GRAMD2B: variants seen among roughly 807,000 people sequenced by gnomAD.
GRAMD2B encodes the protein GRAM domain containing 2B.
A neutral mutation model predicts 59.2 loss-of-function variants in GRAMD2B; 41 were observed. That is an observed-to-expected ratio of 0.69 (90% CI 0.54 to 0.90). The LOEUF is 0.90. GRAMD2B is among the 40% of genes least tolerant of loss of function. GRAMD2B has a pLI of 0.00. For missense variants in GRAMD2B, 424 were observed against 500.5 expected (o/e 0.85, Z 1.46); for synonymous variants, 161 against 182.7 (o/e 0.88, Z 0.96).
chr5:126,468,883 C>T (rs927763458), intron 2 of GRAMD2B, among the ~76,000 whole-genome samples: 2 of 152,132 alleles, frequency 1.3e-5, no homozygotes, highest in Non-Finnish European at 2.9e-5. Flanking sequence ...AAATCATGTA[C>T]TGCCTTTTTA....
chr5:126,438,846 G>A (rs765077651), intron 1 of GRAMD2B, among the ~76,000 whole-genome samples: 22 of 152,310 alleles, frequency 1.4e-4, no homozygotes, highest in Non-Finnish European at 2.1e-4. Context: ...AAGTCCAGAA[G>A]AGGTTGATTG....
intron 2 of GRAMD2B, among the ~76,000 whole-genome samples, chr5:126,465,888 C>A (rs1469345381): frequency 2.0e-5 from 3 of 152,114 alleles, no homozygotes; most frequent in African/African-American, 7.2e-5. Flanking sequence ...GTCTCACTTT[C>A]CTAGGGGCCG....
upstream of GRAMD2B, among the ~76,000 whole-genome samples, chr5:126,420,735 A>G (rs939149529): frequency 1.3e-5 from 2 of 152,216 alleles, no homozygotes; most frequent in African/African-American, 4.8e-5. Flanking sequence ...ACTCCTAGGT[A>G]TATATCCAAA....
In GRAMD2B at chr5:126,484,431, C is replaced by G. The variant is rs1157987716; in HGVS notation, c.877C>G (p.Leu293Val). 2.5e-6 allele frequency: 4 copies of G among 1,614,008 alleles called. No individual in the cohort carries two copies. In the African/African-American group the frequency reaches 4.0e-5, roughly 16 times the overall value. The change falls in exon 10 of 14, where the codon CTG (leucine) becomes GTG (valine). Residue 293 changes from leucine to valine, a missense_variant. By Grantham distance (32) the Leu-to-Val change is conservative (BLOSUM62 1). Coordinates refer to ENST00000285689, the MANE Select transcript of GRAMD2B (RefSeq NM_023927.4). ...DFHATESQTV[L>V]NVSKGEAKPT... ...CCATGCGACAGAATCCCAAACAGTT[C>G]TGAATGTCTCCAAGGGAGAAGCAAA...
chr5:126,486,313 G>T (rs10037307), intron 11 of GRAMD2B, among the ~76,000 whole-genome samples: 39,960 of 152,076 alleles, frequency 0.26, 5,505 homozygotes, highest in Middle Eastern at 0.35. Context: ...ATTTTGTTTT[G>T]CCATCTGTCC....
At chr5:126,444,886 C>T (rs1763931232) in intron 1 of GRAMD2B, among the ~76,000 whole-genome samples, 1 of 152,148 alleles carries the variant, frequency 6.6e-6, no homozygotes, top group Non-Finnish European at 1.5e-5. Flanking sequence ...TGTGTTGTTC[C>T]CCTCCCTGTG....
intron 1 of GRAMD2B, among the ~76,000 whole-genome samples, chr5:126,461,789 A>C (rs780526138): frequency 6.6e-6 from 1 of 152,194 alleles, no homozygotes; most frequent in Non-Finnish European, 1.5e-5. Context: ...GACAAGAGTG[A>C]AACTCCATCT....
chr5:126,465,654 C>T (rs1212568549), intron 2 of GRAMD2B, 109 bp downstream of exon 2: 7 of 916,328 alleles, frequency 7.6e-6, no homozygotes, highest in Admixed American at 7.3e-5. Context: ...ATACTATAGA[C>T]AAATAATACT....
At chr5:126,474,895 G>T (rs1003031079) in intron 5 of GRAMD2B, among the ~76,000 whole-genome samples, 4 of 152,192 alleles carry the variant, frequency 2.6e-5, no homozygotes, top group African/African-American at 9.7e-5. Flanking sequence ...CAGGCCATGG[G>T]AATAAGAACC....
chr5:126,489,541 C>G (rs565251931), intron 13 of GRAMD2B, among the ~76,000 whole-genome samples: 8 of 152,304 alleles, frequency 5.3e-5, no homozygotes, highest in African/African-American at 1.9e-4. Context: ...CTTTACTGTT[C>G]CTCAGAATTC....
At chr5:126,371,128 T>G (rs1754728309), upstream of GRAMD2B, among the ~76,000 whole-genome samples, 1 of 152,242 alleles carries the variant, frequency 6.6e-6, no homozygotes, top group Admixed American at 6.5e-5. Context: ...AGGTGTTTAC[T>G]TTTCCATGCT....
intron 1 of GRAMD2B, among the ~76,000 whole-genome samples, chr5:126,405,955 T>C (rs900084092): frequency 6.6e-6 from 1 of 151,882 alleles, no homozygotes; most frequent in African/African-American, 2.4e-5. Context: ...TAGTGTTACA[T>C]ACTAAAATAA....
chr5:126,419,102 A>C (rs1451983760), upstream of GRAMD2B, among the ~76,000 whole-genome samples: 1 of 152,172 alleles, frequency 6.6e-6, no homozygotes, highest in East Asian at 1.9e-4. Context: ...AGGTAACTAT[A>C]ATATTTGACC....
intron 1 of GRAMD2B, among the ~76,000 whole-genome samples, chr5:126,394,205 G>A (rs1757137683): frequency 6.6e-6 from 1 of 151,776 alleles, no homozygotes. Flanking sequence ...AACCCGGGAG[G>A]CAGAGCTTGC....
In GRAMD2B at chr5:126,469,793, T is replaced by C; in HGVS notation, c.315+5T>C. On this transcript the variant is annotated splice_donor_5th_base_variant and intron_variant, in intron 3 of 13. Coordinates refer to ENST00000285689, the MANE Select transcript of GRAMD2B (RefSeq NM_023927.4). ...AAGTCTTCATCTTCCAGCCAGGTAA[T>C]TTGAGAATGGAATTTGTATTGTCTT... The C allele has an allele frequency of 1.3e-6, 2 of 1,598,520 alleles. No individual in the cohort carries two copies. Among genetic ancestry groups the C allele is most frequent in the Non-Finnish European group, 1.7e-6 (2 of 1,166,916 alleles).
intron 1 of GRAMD2B, 159 bp from the exon 2 acceptor site, chr5:126,465,267 A>C: frequency 1.4e-5 from 20 of 1,471,944 alleles, no homozygotes; most frequent in Non-Finnish European, 1.8e-5. Flanking sequence ...AAGGGGTTAG[A>C]ATGGAGATTG....
At chr5:126,393,279 T>C (rs1351620987) in intron 1 of GRAMD2B, among the ~76,000 whole-genome samples, 2 of 152,246 alleles carry the variant, frequency 1.3e-5, no homozygotes, top group African/African-American at 2.4e-5. Context: ...TACAATTTTA[T>C]TTCACAGGTC....
At chr5:126,388,006 A>C (rs2149713649) in intron 1 of GRAMD2B, among the ~76,000 whole-genome samples, 1 of 152,064 alleles carries the variant, frequency 6.6e-6, no homozygotes, top group African/African-American at 2.4e-5. Flanking sequence ...TATTAAAGAA[A>C]CCCCCTATAC....
intron 1 of GRAMD2B, among the ~76,000 whole-genome samples, chr5:126,394,135 A>C (rs866652054): frequency 2.6e-5 from 4 of 151,582 alleles, no homozygotes; most frequent in East Asian, 1.9e-4. Flanking sequence ...ATTAGCCGGG[A>C]GTGGTGGCGG....
Sources: gnomAD v4.1 joint callset for allele counts (sites outside exome capture counted in the v4.1 genomes callset) on GRCh38, gnomAD v4.1.1 for gene constraint, MANE v1.5 for transcripts, NCBI Gene and HGNC (gene_info 2026-07-23, HGNC 2026-07-21) for gene names.